The following PIWIL2 variants were observed in gnomAD, a reference collection of about 807,000 sequenced individuals.
PIWIL2 encodes the protein piwi-like protein 2.
In PIWIL2, 81 loss-of-function variants were observed where a neutral mutation model predicts 116.5. That is an observed-to-expected ratio of 0.70 (90% confidence interval 0.58 to 0.84). The LOEUF (loss-of-function observed/expected upper bound fraction) is 0.84, where lower values mean the gene tolerates loss of function less well. Among genes scored for constraint, PIWIL2 ranks in the 40% least tolerant of loss-of-function variants. The pLI, the probability that PIWIL2 is intolerant of heterozygous loss-of-function variation, is 0.00. For missense variants in PIWIL2, 1,272 were observed against 1,212.3 expected (o/e 1.05, Z -0.73); for synonymous variants, 489 against 429.5 (o/e 1.14, Z -1.71).
chr8:22,353,352 T>C, intron 21 of PIWIL2, 140 bp downstream of exon 21: 1 of 777,140 alleles, frequency 1.3e-6, no homozygotes, highest in South Asian at 2.0e-5. Context: ...AATGAAGGTT[T>C]AAAAAATATT....
chr8:22,289,844 C>T lies in PIWIL2; in HGVS notation c.987-3C>T, dbSNP rs1322882367. On this transcript the variant is annotated splice_polypyrimidine_tract_variant and splice_region_variant and intron_variant, in intron 8 of 22. Transcript: ENST00000356766. ...GAAAACTCATACTTGCTTTTTATTT[C>T]AGGGTAATGAAACTTTTAGATATGA... The T allele has an allele frequency of 6.3e-7, 1 of 1,579,246 alleles. No homozygotes were observed. The highest frequency in any genetic ancestry group is 1.7e-5 in the Admixed American group (1 of 59,760).
intron 20 of PIWIL2, among the ~76,000 whole-genome samples, chr8:22,336,184 C>G (rs1235570847): frequency 6.6e-6 from 1 of 152,202 alleles, no homozygotes; most frequent in East Asian, 1.9e-4. Context: ...CACCCAGCAA[C>G]CACATACACA....
intron 8 of PIWIL2, among the ~76,000 whole-genome samples, chr8:22,289,177 G>A (rs1219119670): frequency 2.1e-5 from 3 of 143,040 alleles, no homozygotes; most frequent in Non-Finnish European, 4.5e-5. Flanking sequence ...TTTGAGAGAC[G>A]GAGTCTCGCT....
chr8:22,312,121 G>C (rs1831347039), intron 16 of PIWIL2, among the ~76,000 whole-genome samples: 1 of 151,902 alleles, frequency 6.6e-6, no homozygotes, highest in Non-Finnish European at 1.5e-5. Flanking sequence ...AACATTAGCT[G>C]GGTGTGGTGG....
At chr8:22,282,991 C>T (rs1206101262) in intron 4 of PIWIL2, 43 bp from the exon 5 acceptor site, 1 of 1,425,362 alleles carries the variant, frequency 7.0e-7, no homozygotes, top group African/African-American at 1.4e-5. Flanking sequence ...TGGGACATAG[C>T]TATTATAAAA....
At position 22,281,434 on chromosome 8, in the gene PIWIL2, A is replaced by G. The variant is rs1830498904; in HGVS notation, c.344A>G (p.Glu115Gly). 5 of 1,605,450 alleles carry G rather than the reference A, an allele frequency of 3.1e-6. No homozygotes were observed. Among genetic ancestry groups the G allele is most frequent in the Non-Finnish European group, 3.4e-6 (4 of 1,178,134 alleles). Residue 115 changes from glutamate (E) to glycine (G), a missense_variant, in exon 4 of 23, where the codon GAA becomes GGA. Coordinates refer to ENST00000356766, the MANE Select transcript of PIWIL2 (RefSeq NM_018068.5). ...AATCTGGTACGCAAGGACAGGGAGG[A>G]ACTCTCTCCCACTTTTTGGGATCCA... ...SANLVRKDRE[E>G]LSPTFWDPKV...
chr8:22,349,780 G>C (rs145778249), intron 20 of PIWIL2, among the ~76,000 whole-genome samples: 14 of 152,234 alleles, frequency 9.2e-5, no homozygotes, highest in African/African-American at 2.6e-4. Context: ...AGAAGGTGGA[G>C]CCCCAGGCTG....
At chr8:22,305,743 G>A (rs1214791982) in intron 12 of PIWIL2, among the ~76,000 whole-genome samples, 184 bp from the exon 13 acceptor site, 1 of 152,046 alleles carries the variant, frequency 6.6e-6, no homozygotes, top group East Asian at 1.9e-4. Context: ...TGTATGTACA[G>A]TGACTGAGGG....
intron 14 of PIWIL2, among the ~76,000 whole-genome samples, chr8:22,308,524 G>A (rs888177913): frequency 3.3e-5 from 5 of 151,904 alleles, no homozygotes; most frequent in Admixed American, 1.3e-4. Context: ...GTCGAGGCAC[G>A]AGCCTGTAAT....
chr8:22,279,802 C>G (rs1300321205), intron 2 of PIWIL2, among the ~76,000 whole-genome samples: 1 of 152,130 alleles, frequency 6.6e-6, no homozygotes. Context: ...ACTGAAAATA[C>G]AAAAATTAGC....
In PIWIL2 at chr8:22,314,424, T is replaced by A; in HGVS notation, c.2086T>A (p.Ser696Thr). The A allele has an allele frequency of 6.4e-7, 1 of 1,550,704 alleles. No homozygotes were observed. Among genetic ancestry groups the A allele is most frequent in the East Asian group, 2.4e-5 (1 of 42,478 alleles). Residue 696 changes from serine (S) to threonine (T), a missense_variant, in exon 17 of 23, where the codon TCC becomes ACC. By Grantham distance (58) the Ser-to-Thr change is moderately conservative. Transcript: ENST00000356766. ...KLCCVQSPVPSQVVNVRTIGQ... is the reference protein window; with the variant it reads ...KLCCVQSPVPTQVVNVRTIGQ... ...GTGCTGTGTGCAGTCCCCAGTGCCC[T>A]CCCAGGTGAGTGGGTGTTGGGGCAG...
rs772342380 is a variant in PIWIL2, at chr8:22,304,223, A to G, written c.1370+14A>G. 6.3e-7 allele frequency: 1 copy of G among 1,599,422 alleles called. No individual in the cohort carries two copies. Among genetic ancestry groups the G allele is most frequent in the South Asian group, 1.1e-5 (1 of 89,898 alleles). On this transcript the variant is annotated intron_variant, in intron 11 of 22. Transcript: ENST00000356766. ...GGAATACTACAGGTAGCAAGAAGAG[A>G]CTGGGTTTGGGCCTCAGGGTGGGGG... is the stretch of plus-strand genomic sequence containing the variant.
intron 20 of PIWIL2, among the ~76,000 whole-genome samples, chr8:22,334,448 G>A (rs1831933128): frequency 1.3e-5 from 2 of 151,620 alleles, no homozygotes; most frequent in African/African-American, 4.8e-5. Flanking sequence ...CTTGAACCTA[G>A]GAGGCGGAGG....
rs137923636 is a variant in PIWIL2, at chr8:22,352,945, C to T, written c.2404-14C>T. ...AGGGCTCTGTGAGTCACCACATCCT[C>T]GCTGTCATTTCAGGTGAACCACTGT... is the stretch of plus-strand genomic sequence containing the variant. On this transcript the variant is annotated splice_polypyrimidine_tract_variant and intron_variant, in intron 20 of 22. Transcript: ENST00000356766. 1.2e-5 allele frequency: 19 copies of T among 1,602,848 alleles called. No individual in the cohort carries two copies. In the East Asian group the frequency reaches 2.2e-4, roughly 19 times the overall value.
intron 21 of PIWIL2, 70 bp downstream of exon 21, chr8:22,353,282 G>A (rs1361073477): frequency 1.5e-6 from 2 of 1,346,036 alleles, no homozygotes; most frequent in Non-Finnish European, 2.1e-6. Context: ...CTGAGTATTG[G>A]AATGGGGAGG....
chr8:22,304,117 C>T lies in PIWIL2; in HGVS notation c.1278C>T (p.Thr426=). The T allele has an allele frequency of 4.3e-6, 7 of 1,611,510 alleles. No homozygotes were observed. The highest frequency in any genetic ancestry group is 5.9e-6 in the Non-Finnish European group (7 of 1,177,624). The change falls in exon 11 of 23, where the codon ACC becomes ACT. Residue 426 remains threonine (T), a synonymous_variant. Coordinates refer to ENST00000356766, the MANE Select transcript of PIWIL2 (RefSeq NM_018068.5). ...TTATCACCCGATATAACAATCGTAC[C>T]TATCGTATTGATGATGTGGATTGGA... ...NIVITRYNNR[T]YRIDDVDWNK...
intron 1 of PIWIL2, 28 bp downstream of exon 1, chr8:22,275,426 C>G (rs1469156600): frequency 6.6e-6 from 1 of 152,406 alleles, no homozygotes; most frequent in Non-Finnish European, 1.5e-5. Context: ...TTGCGGCATG[C>G]CAGGCAGGCC....
intron 10 of PIWIL2, among the ~76,000 whole-genome samples, chr8:22,296,828 G>A (rs888139211): frequency 1.3e-5 from 2 of 152,086 alleles, no homozygotes; most frequent in African/African-American, 2.4e-5. Context: ...CTGAAGAACT[G>A]CTTGTAATAT....
At chr8:22,353,916 T>G (rs6995872) in intron 21 of PIWIL2, among the ~76,000 whole-genome samples, 6,958 of 151,838 alleles carry the variant, frequency 0.046, 530 homozygotes, top group African/African-American at 0.16. Context: ...GCTGGGACAA[T>G]AGGCGTATGC....
Sources: gnomAD v4.1 joint callset for allele counts (sites outside exome capture counted in the v4.1 genomes callset) on GRCh38, gnomAD v4.1.1 for gene constraint, MANE v1.5 for transcripts, NCBI Gene and HGNC (gene_info 2026-07-23, HGNC 2026-07-21) for gene names.